Variants in KCNH7 observed in about 807,000 individuals in gnomAD.
The protein encoded by KCNH7 is voltage-gated inwardly rectifying potassium channel KCNH7.
A neutral mutation model predicts 120.8 loss-of-function variants in KCNH7; 49 were observed. That is an observed-to-expected ratio of 0.41 (90% CI 0.32 to 0.51). The LOEUF (loss-of-function observed/expected upper bound fraction) is 0.51, where lower values mean the gene tolerates loss of function less well. Among genes scored for constraint, KCNH7 ranks in the 20% least tolerant of loss-of-function variants. The pLI, the probability that KCNH7 is intolerant of heterozygous loss-of-function variation, is 0.38. For synonymous variants in KCNH7, 547 were observed against 516.1 expected, an observed-to-expected ratio of 1.06 and a Z score of -0.81; for missense variants, 1,097 against 1,446.6, an observed-to-expected ratio of 0.76 and a Z score of 3.92.
intron 2 of KCNH7, among the ~76,000 whole-genome samples, chr2:162,683,093 G>C (rs905173435): frequency 1.3e-5 from 2 of 151,790 alleles, no homozygotes; most frequent in African/African-American, 4.8e-5. Context: ...GTAGCAAAAA[G>C]TATAATACAG....
At chr2:162,757,502 T>C (rs1688826047) in intron 2 of KCNH7, among the ~76,000 whole-genome samples, 1 of 151,976 alleles carries the variant, frequency 6.6e-6, no homozygotes, top group Non-Finnish European at 1.5e-5. Flanking sequence ...AAACAAAATC[T>C]CCCAAGAATG....
intron 2 of KCNH7, among the ~76,000 whole-genome samples, chr2:162,810,931 G>A (rs568055999): frequency 2.0e-4 from 30 of 152,024 alleles, no homozygotes; most frequent in South Asian, 1.9e-3. Flanking sequence ...GGTAAAGGCC[G>A]CTCCCCTCAA....
chr2:162,617,067 G>A (rs1201633849), intron 2 of KCNH7, among the ~76,000 whole-genome samples: 1 of 152,124 alleles, frequency 6.6e-6, no homozygotes, highest in Non-Finnish European at 1.5e-5. Context: ...AGGTTGGGGA[G>A]GGGACTGGTG....
intron 2 of KCNH7, among the ~76,000 whole-genome samples, chr2:162,746,463 G>A (rs894133394): frequency 2.0e-5 from 3 of 152,028 alleles, no homozygotes; most frequent in African/African-American, 7.2e-5. Flanking sequence ...TGTCCCTAGA[G>A]GTTTTCTCTG....
chr2:162,459,322 G>A (rs1183787599), intron 6 of KCNH7, among the ~76,000 whole-genome samples: 2 of 152,072 alleles, frequency 1.3e-5, no homozygotes, highest in African/African-American at 2.4e-5. Context: ...AAGAGCCTAT[G>A]CAAATAAAAG....
intron 7 of KCNH7, among the ~76,000 whole-genome samples, chr2:162,441,999 C>CTTTTTTTT (rs779418084): frequency 0.019 from 799 of 41,526 alleles, 329 homozygotes; most frequent in Middle Eastern, 0.1. Context: ...GTTAGGTCTT[C>CTTTTTTTT]TTTTTTTTTT....
At chr2:162,499,849 T>C (rs1057288455) in intron 6 of KCNH7, among the ~76,000 whole-genome samples, 26 of 152,104 alleles carry the variant, frequency 1.7e-4, no homozygotes, top group Admixed American at 1.7e-3. Context: ...CTCCAGATTT[T>C]TATTCCTTAT....
Position 162,599,191 on chromosome 2 carries a change from C to T in KCNH7, c.308-62111G>A, listed in dbSNP as rs192341629. ...CTGCACTCTAGCCTGGGCAACAGAGCGAGACTCTGTCTCAAAAAATAAATA... is the reference window on the plus strand; with the variant it reads ...CTGCACTCTAGCCTGGGCAACAGAGTGAGACTCTGTCTCAAAAAATAAATA... On this transcript the variant is annotated intron_variant, in intron 2 of 15. Coordinates refer to ENST00000332142, the MANE Select transcript of KCNH7 (RefSeq NM_033272.4). Among the ~76,000 whole-genome samples the T allele has an allele frequency of 2.6e-3, 386 of 150,942 alleles. 3 individuals carry two copies. Among genetic ancestry groups the T allele is most frequent in the South Asian group, 0.021 (99 of 4,774 alleles).
chr2:162,834,566 G>A (rs939744365), intron 2 of KCNH7, among the ~76,000 whole-genome samples: 6 of 151,960 alleles, frequency 3.9e-5, no homozygotes, highest in African/African-American at 1.4e-4. Context: ...AAACAGGGGA[G>A]TTTTAATGCA....
intron 2 of KCNH7, among the ~76,000 whole-genome samples, chr2:162,702,517 A>G (rs1429599956): frequency 6.6e-6 from 1 of 152,202 alleles, no homozygotes; most frequent in African/African-American, 2.4e-5. Flanking sequence ...AAATTGCTTA[A>G]AAATTATCTA....
chr2:162,659,516 A>C (rs1684884644), intron 2 of KCNH7, among the ~76,000 whole-genome samples: 2 of 151,644 alleles, frequency 1.3e-5, no homozygotes, highest in African/African-American at 2.4e-5. Context: ...TAATTTTTGT[A>C]TTTTTAGTAG....
chr2:162,704,802 T>C, intron 2 of KCNH7, among the ~76,000 whole-genome samples: 1 of 152,196 alleles, frequency 6.6e-6, no homozygotes, highest in East Asian at 1.9e-4. Flanking sequence ...TCAGGCAGTG[T>C]ATGCAAAGAC....
chr2:162,709,966 G>T (rs192594734), intron 2 of KCNH7, among the ~76,000 whole-genome samples: 100 of 152,208 alleles, frequency 6.6e-4, no homozygotes, highest in Admixed American at 6.4e-3. Flanking sequence ...GAAAGGATGA[G>T]AGTAGATATT....
At chr2:162,736,610 G>C (rs1341572584) in intron 2 of KCNH7, among the ~76,000 whole-genome samples, 1 of 152,190 alleles carries the variant, frequency 6.6e-6, no homozygotes, top group Non-Finnish European at 1.5e-5. Context: ...CCTATTATAG[G>C]TGATGTGATG....
At chr2:162,457,836 G>A (rs1220335222) in intron 6 of KCNH7, among the ~76,000 whole-genome samples, 1 of 152,062 alleles carries the variant, frequency 6.6e-6, no homozygotes, top group African/African-American at 2.4e-5. Flanking sequence ...ATAGCATCGG[G>A]AAGGACTTAA....
At chr2:162,804,863 C>T (rs116078610) in intron 2 of KCNH7, among the ~76,000 whole-genome samples, 1,763 of 151,430 alleles carry the variant, frequency 0.012, 19 homozygotes, top group African/African-American at 0.016. Flanking sequence ...ACTACAAGGC[C>T]GTATTTACCA....
At chr2:162,402,843 A>T (rs1687104683) in intron 9 of KCNH7, among the ~76,000 whole-genome samples, 1 of 151,792 alleles carries the variant, frequency 6.6e-6, no homozygotes, top group Non-Finnish European at 1.5e-5. Context: ...ATACATGTGT[A>T]TTCACACATG....
At chr2:162,771,796 T>C (rs1683063301) in intron 2 of KCNH7, 1 of 152,154 alleles carries the variant, frequency 6.6e-6, no homozygotes. Context: ...GAAAGCTTTA[T>C]AAATAGCTTT....
chr2:162,763,599 G>C (rs536036619), intron 2 of KCNH7, among the ~76,000 whole-genome samples: 1 of 152,104 alleles, frequency 6.6e-6, no homozygotes, highest in East Asian at 1.9e-4. Context: ...CCAAATTGCA[G>C]GGAGAGAAAT....
Sources: allele counts gnomAD v4.1 joint callset (sites outside exome capture counted in the v4.1 genomes callset), GRCh38; gene constraint gnomAD v4.1.1; transcripts MANE v1.5; gene names NCBI Gene and HGNC (gene_info 2026-07-23, HGNC 2026-07-21).